Variants in DPP10 observed in about 807,000 individuals in gnomAD.
DPP10 encodes the protein dipeptidyl peptidase like 10.
Under a neutral mutation model 120.9 loss-of-function variants are expected in DPP10, and 33 were observed. The ratio of observed to expected loss-of-function variants is 0.27; its 90% CI spans 0.21 to 0.37. The LOEUF (loss-of-function observed/expected upper bound fraction) is 0.37. Among genes scored for constraint, DPP10 ranks in the 10% least tolerant of loss-of-function variants. The pLI is 1.00. For missense variants in DPP10, 816 were observed against 942.8 expected, an observed-to-expected ratio of 0.87 and a Z score of 1.76; for synonymous variants, 337 against 326.1, an observed-to-expected ratio of 1.03 and a Z score of -0.36.
At chr2:114,620,276 G>A (rs1342826745) in intron 1 of DPP10, among the ~76,000 whole-genome samples, 1 of 151,888 alleles carries the variant, frequency 6.6e-6, no homozygotes, top group Non-Finnish European at 1.5e-5. Context: ...TGGGTTTTTG[G>A]CATGTCATTT....
At chr2:114,999,914 T>C (rs1427509121) in intron 1 of DPP10, among the ~76,000 whole-genome samples, 1 of 152,206 alleles carries the variant, frequency 6.6e-6, no homozygotes, top group Non-Finnish European at 1.5e-5. Context: ...CCTTTAGAAC[T>C]ATATATTATA....
At chr2:114,689,738 G>A (rs1180437511) in intron 1 of DPP10, among the ~76,000 whole-genome samples, 1 of 151,960 alleles carries the variant, frequency 6.6e-6, no homozygotes, top group Admixed American at 6.6e-5. Context: ...AACCTCACTA[G>A]CATTTGTTGT....
intron 1 of DPP10, among the ~76,000 whole-genome samples, chr2:114,946,983 C>T (rs1040759120): frequency 6.6e-6 from 1 of 152,042 alleles, no homozygotes. Flanking sequence ...GAAATATTTA[C>T]ATGTTCCATT....
intron 3 of DPP10, among the ~76,000 whole-genome samples, chr2:115,350,920 G>T (rs919493027): frequency 6.6e-6 from 1 of 152,064 alleles, no homozygotes; most frequent in Admixed American, 6.6e-5. Flanking sequence ...ATATGGTGTT[G>T]CTGGAAATGT....
chr2:114,955,159 C>G (rs528078968), intron 1 of DPP10, among the ~76,000 whole-genome samples: 13 of 152,170 alleles, frequency 8.5e-5, no homozygotes, highest in Non-Finnish European at 1.5e-4. Context: ...ATGGTTATTT[C>G]TTGATGTATG....
At chr2:114,859,311 C>T (rs960261470) in intron 1 of DPP10, among the ~76,000 whole-genome samples, 2 of 149,724 alleles carry the variant, frequency 1.3e-5, no homozygotes, top group African/African-American at 2.5e-5. Context: ...AAGCTAGCAG[C>T]GAGCCAAGAT....
At chr2:114,510,971 AAAGCAT>A (rs1304270504) in intron 1 of DPP10, among the ~76,000 whole-genome samples, 2 of 152,266 alleles carry the variant, frequency 1.3e-5, no homozygotes, top group African/African-American at 4.8e-5. Context: ...TATGTGGTTT[AAAGCAT>A]TAGACGCAAA....
At chr2:114,900,353 A>T (rs1693455651) in intron 1 of DPP10, among the ~76,000 whole-genome samples, 1 of 152,240 alleles carries the variant, frequency 6.6e-6, no homozygotes, top group Non-Finnish European at 1.5e-5. Context: ...TTATATTCCT[A>T]CCAACAGATT....
intron 21 of DPP10, among the ~76,000 whole-genome samples, chr2:115,819,397 A>G (rs920512638): frequency 2.0e-5 from 3 of 152,074 alleles, no homozygotes; most frequent in Non-Finnish European, 4.4e-5. Context: ...GTAATATCCC[A>G]TTTTGATTTC....
At chr2:115,571,502 G>T (rs117885394) in intron 5 of DPP10, among the ~76,000 whole-genome samples, 1 of 151,942 alleles carries the variant, frequency 6.6e-6, no homozygotes, top group Non-Finnish European at 1.5e-5. Flanking sequence ...CTGATCCTGC[G>T]TTAATTCACT....
chr2:114,625,194 T>C (rs1489523327), intron 1 of DPP10, among the ~76,000 whole-genome samples: 2 of 151,944 alleles, frequency 1.3e-5, no homozygotes, highest in Non-Finnish European at 2.9e-5. Context: ...TTTTATTTTG[T>C]TGTTGTATTG....
chr2:115,463,139 C>T (rs1232488428), intron 3 of DPP10, among the ~76,000 whole-genome samples: 3 of 152,160 alleles, frequency 2.0e-5, no homozygotes, highest in Middle Eastern at 3.2e-3. Context: ...GGAAATTACT[C>T]ATATTCCTCT....
In DPP10 at chr2:115,159,720, A is replaced by G. The variant is rs78608356; in HGVS notation, c.61-149519A>G. Among the ~76,000 whole-genome samples the G allele has an allele frequency of 3.3e-3, 496 of 152,336 alleles. 3 individuals are homozygous for G. Among genetic ancestry groups the G allele is most frequent in the African/African-American group, 0.011 (477 of 41,584 alleles). ...AAAGAAGCATTTTATAAATAAAAAA[A>G]TTCACGCACACATACACACACAGAC... On this transcript the variant is annotated intron_variant, in intron 1 of 25. Transcript: ENST00000410059.
At chr2:115,702,872 T>C (rs965510410) in intron 7 of DPP10, among the ~76,000 whole-genome samples, 3 of 152,100 alleles carry the variant, frequency 2.0e-5, no homozygotes, top group African/African-American at 7.2e-5. Context: ...GGTGTTTTTC[T>C]AAAGAAAGAA....
intron 5 of DPP10, among the ~76,000 whole-genome samples, chr2:115,613,179 A>G (rs945895891): frequency 1.3e-5 from 2 of 152,152 alleles, no homozygotes; most frequent in African/African-American, 2.4e-5. Flanking sequence ...CTATTTTTAT[A>G]TAGATAGAAA....
chr2:115,235,269 A>G (rs2057939237), intron 1 of DPP10, among the ~76,000 whole-genome samples: 2 of 152,312 alleles, frequency 1.3e-5, no homozygotes, highest in Non-Finnish European at 2.9e-5. Flanking sequence ...GAGTGGGACA[A>G]TAGACGTAAT....
At chr2:115,510,310 T>C (rs951353488) in intron 4 of DPP10, among the ~76,000 whole-genome samples, 6 of 152,206 alleles carry the variant, frequency 3.9e-5, no homozygotes, top group East Asian at 1.9e-4. Context: ...AGTTCTATGA[T>C]ACATTTTGAG....
chr2:115,286,038 T>TA (rs2060349080), intron 1 of DPP10, among the ~76,000 whole-genome samples: 2 of 151,904 alleles, frequency 1.3e-5, no homozygotes, highest in African/African-American at 4.8e-5. Flanking sequence ...TGTTCAGTTT[T>TA]AAATCATGGT....
At chr2:114,482,498 T>C (rs1681150411) in intron 1 of DPP10, among the ~76,000 whole-genome samples, 1 of 152,182 alleles carries the variant, frequency 6.6e-6, no homozygotes, top group African/African-American at 2.4e-5. Flanking sequence ...ACATCGTTTA[T>C]TACTTTCCGT....
Sources: allele counts gnomAD v4.1 joint callset (sites outside exome capture counted in the v4.1 genomes callset), GRCh38; gene constraint gnomAD v4.1.1; transcripts MANE v1.5; gene names NCBI Gene and HGNC (gene_info 2026-07-23, HGNC 2026-07-21).